The following SLC39A12 variants were observed in gnomAD, a reference collection of about 807,000 sequenced individuals.
The protein encoded by SLC39A12 is zinc transporter ZIP12.
A neutral mutation model predicts 71.1 loss-of-function variants in SLC39A12; 63 were observed. That is an observed-to-expected ratio of 0.89 (90% confidence interval 0.72 to 1.09). The LOEUF is 1.09. SLC39A12 is among the 50% of genes least tolerant of loss of function. SLC39A12 has a pLI of 0.00. For missense variants in SLC39A12, 892 were observed against 812.6 expected, an observed-to-expected ratio of 1.10 and a Z score of -1.19; for synonymous variants, 351 against 301.3, an observed-to-expected ratio of 1.16 and a Z score of -1.71.
chr10:17,997,190 G>A (rs1054376537), intron 10 of SLC39A12, among the ~76,000 whole-genome samples: 1 of 152,224 alleles, frequency 6.6e-6, no homozygotes, highest in African/African-American at 2.4e-5. Flanking sequence ...GTTTTATGCA[G>A]TGAAGAATAA....
At chr10:18,037,283 A>G (rs1403072238) in intron 12 of SLC39A12, among the ~76,000 whole-genome samples, 1 of 152,190 alleles carries the variant, frequency 6.6e-6, no homozygotes, top group African/African-American at 2.4e-5. Context: ...ATTTTCATGA[A>G]GTGCAGTGAC....
chr10:18,035,438 A>G (rs1836974977), intron 12 of SLC39A12, among the ~76,000 whole-genome samples: 1 of 135,944 alleles, frequency 7.4e-6, no homozygotes, highest in East Asian at 2.1e-4. Flanking sequence ...AGTTGATCGC[A>G]TTGGCTCCTG....
Position 17,978,011 on chromosome 10 carries a change from CT to C in SLC39A12, c.862del (p.Tyr288IlefsTer49). 6.2e-7 allele frequency: 1 copy of C among 1,607,186 alleles called. No homozygotes were observed. The highest frequency in any genetic ancestry group is 2.2e-5 in the East Asian group (1 of 44,454). Reference protein sequence around the residue: ...QNNIITHDQDYSNFSSSMEKE... With the variant: ...QNNIITHDQDXSNFSSSMEKE... ...ACAACATAATAACCCATGATCAGGA[CT>C]ATTCTAATTTCTCTTCATCCATGGA... On this transcript the variant is annotated frameshift_variant, in exon 5 of 13. Transcript: ENST00000377369. LOFTEE classifies it high-confidence loss of function.
At chr10:18,030,676 A>G (rs1022286092) in intron 12 of SLC39A12, among the ~76,000 whole-genome samples, 1 of 151,220 alleles carries the variant, frequency 6.6e-6, no homozygotes, top group East Asian at 1.9e-4. Flanking sequence ...GTTTTAGGGT[A>G]CATGTGCACA....
rs768034992 is a variant in SLC39A12, at chr10:17,987,496, G to C, written c.1114G>C (p.Val372Leu). 5 of 1,613,966 alleles carry C rather than the reference G, an allele frequency of 3.1e-6. No homozygotes were observed. Among genetic ancestry groups the C allele is most frequent in the Non-Finnish European group, 4.2e-6 (5 of 1,179,958 alleles). The change falls in exon 7 of 13, where the codon GTG (valine) becomes CTG (leucine). Residue 372 changes from valine to leucine, a missense_variant. Val to Leu is a conservative substitution (Grantham distance 32). Transcript: ENST00000377369. ...TTLEKYGYST[V>L]AVTLLTLGSM... ...TGACTTAGAATACGGCTACAGCACG[G>C]TGGCTGTCACCCTTCTCACACTGGG...
chr10:17,958,138 G>C (rs917245540), intron 2 of SLC39A12, among the ~76,000 whole-genome samples: 4 of 152,104 alleles, frequency 2.6e-5, no homozygotes, highest in Non-Finnish European at 5.9e-5. Flanking sequence ...TCCGTGCCTT[G>C]CATTCCAATT....
In SLC39A12 at chr10:18,015,351, C is replaced by T. The variant is rs1287916727; in HGVS notation, c.1947+11993C>T. Among the ~76,000 whole-genome samples the T allele has an allele frequency of 2.6e-5, 4 of 151,968 alleles. 1 individual carries two copies. Among genetic ancestry groups the T allele is most frequent in the Admixed American group, 6.6e-5 (1 of 15,248 alleles). On this transcript the variant is annotated intron_variant, in intron 12 of 12. Coordinates refer to ENST00000377369, the MANE Select transcript of SLC39A12 (RefSeq NM_001145195.2). ...ATTGAGATAAAAAATTAGCTGAATG[C>T]CTTATTAACATTGTTCTCAATATGT...
At chr10:18,023,556 T>C (rs2488120) in intron 12 of SLC39A12, among the ~76,000 whole-genome samples, 70,244 of 151,606 alleles carry the variant, frequency 0.46, 16,768 homozygotes, top group Non-Finnish European at 0.52. Context: ...GGAATGTTCA[T>C]TGTGGTGGGG....
intron 4 of SLC39A12, among the ~76,000 whole-genome samples, chr10:17,967,219 T>C (rs911584970): frequency 3.3e-5 from 5 of 152,216 alleles, no homozygotes. Context: ...CGCATTTCTA[T>C]GTACTGTGTT....
intron 12 of SLC39A12, among the ~76,000 whole-genome samples, chr10:18,027,491 A>G (rs1444355013): frequency 3.9e-5 from 6 of 152,220 alleles, no homozygotes; most frequent in Non-Finnish European, 8.8e-5. Context: ...GAACCCGTGG[A>G]GCTCCTGGAG....
chr10:17,987,648 T>C lies in SLC39A12; in HGVS notation c.1266T>C (p.Pro422=). 1.9e-6 allele frequency: 3 copies of C among 1,614,082 alleles called. No homozygotes were observed. Among genetic ancestry groups the C allele is most frequent in the Non-Finnish European group, 2.5e-6 (3 of 1,179,990 alleles). ...LSGDALLHLI[P]QVLGLHKQEA... is the part of the protein sequence containing the mutation. Reference sequence around the variant, plus strand: ...GGGACGCTCTGCTCCACCTTATCCCTCAGGTAATCTGGTCTTTTCCATTTC... The same window carrying C: ...GGGACGCTCTGCTCCACCTTATCCCCCAGGTAATCTGGTCTTTTCCATTTC... The change falls in exon 7 of 13, where the codon CCT becomes CCC. Residue 422 remains proline (P), a synonymous_variant. Coordinates refer to ENST00000377369, the MANE Select transcript of SLC39A12 (RefSeq NM_001145195.2).
Position 18,033,567 on chromosome 10 carries a change from G to A in SLC39A12, c.1948-9138G>A, listed in dbSNP as rs1257822578. On this transcript the variant is annotated intron_variant, in intron 12 of 12. Transcript: ENST00000377369. ...TTTTTCTTTATTAGTCTTGCTAGCG[G>A]TCTATCAATTTTGTTGATCCTTTCA... Among the ~76,000 whole-genome samples the A allele has an allele frequency of 6.7e-4, 94 of 139,768 alleles. 1 individual carries two copies. Among genetic ancestry groups the A allele is most frequent in the Middle Eastern group, 3.6e-3 (1 of 280 alleles). 91.7% of individuals were successfully genotyped at this position (139,768 alleles called of 152,430 possible). A position where few individuals can be genotyped will look rare whatever the true frequency, so the allele number is the denominator to read the frequency against.
At chr10:17,978,212 C>T (rs979653959) in intron 5 of SLC39A12, 138 bp downstream of exon 5, 5 of 658,004 alleles carry the variant, frequency 7.6e-6, no homozygotes, top group East Asian at 3.1e-5. Flanking sequence ...AGTTCCACCA[C>T]GTAGTTACGG....
At chr10:17,989,143 C>T (rs1258928438) in intron 7 of SLC39A12, among the ~76,000 whole-genome samples, 1 of 152,118 alleles carries the variant, frequency 6.6e-6, no homozygotes, top group African/African-American at 2.4e-5. Context: ...TGTTCTCTTC[C>T]CTCTGAAATC....
intron 12 of SLC39A12, among the ~76,000 whole-genome samples, chr10:18,036,788 A>ATTTTTTTTTTTT (rs1319675306): frequency 8.8e-4 from 15 of 17,000 alleles, no homozygotes; most frequent in African/African-American, 2.0e-3. Context: ...ATATATATAT[A>ATTTTTTTTTTTT]TATATATTTT....
rs1258635503 is a variant in SLC39A12 at position 17,993,295 on chromosome 10, G to C, written c.1533+4G>C. 1 of 1,538,512 alleles carries C rather than the reference G, an allele frequency of 6.5e-7. No homozygotes were observed. Among genetic ancestry groups the C allele is most frequent in the African/African-American group, 1.4e-5 (1 of 72,864 alleles). Reference sequence around the variant, plus strand: ...ATCTGCTTCAACTATCCAGTTGGTAGGTTCCTGATCTGAAGCATTCTACTG... The same window carrying C: ...ATCTGCTTCAACTATCCAGTTGGTACGTTCCTGATCTGAAGCATTCTACTG... On this transcript the variant is annotated splice_donor_region_variant and intron_variant, in intron 9 of 12. Coordinates refer to ENST00000377369, the MANE Select transcript of SLC39A12 (RefSeq NM_001145195.2).
At chr10:18,020,872 C>A (rs1469551812) in intron 12 of SLC39A12, among the ~76,000 whole-genome samples, 1 of 152,012 alleles carries the variant, frequency 6.6e-6, no homozygotes, top group Non-Finnish European at 1.5e-5. Flanking sequence ...GGATATTAGA[C>A]CTTTGTTAGA....
chr10:17,993,946 T>C (rs1160768697), intron 9 of SLC39A12, among the ~76,000 whole-genome samples: 1 of 152,172 alleles, frequency 6.6e-6, no homozygotes, highest in Non-Finnish European at 1.5e-5. Flanking sequence ...GGTAAAGAGT[T>C]TACGGTGTAA....
intron 7 of SLC39A12, 28 bp downstream of exon 7, chr10:17,987,679 A>G: frequency 6.2e-7 from 1 of 1,612,274 alleles, no homozygotes; most frequent in East Asian, 2.2e-5. Context: ...ATTTCAGATA[A>G]AGTTCACTTC....
Sources: gnomAD v4.1 joint callset for allele counts (sites outside exome capture counted in the v4.1 genomes callset) on GRCh38, gnomAD v4.1.1 for gene constraint, MANE v1.5 for transcripts, NCBI Gene and HGNC (gene_info 2026-07-23, HGNC 2026-07-21) for gene names.